The following SPATC1 variants were observed in gnomAD, a reference collection of about 807,000 sequenced individuals.
The protein encoded by SPATC1 is speriolin.
A neutral mutation model predicts 36.5 loss-of-function variants in SPATC1; 35 were observed. The observed-to-expected ratio is 0.96, with a 90% CI of 0.73 to 1.27. The LOEUF is 1.27. Ranked by LOEUF, SPATC1 falls within the 50% of genes most tolerant of loss-of-function variation. The probability of loss-of-function intolerance (pLI) is 0.00; values close to 1 mark genes in which losing one functional copy is unlikely to be tolerated. For synonymous variants in SPATC1, 361 were observed against 353.6 expected, an observed-to-expected ratio of 1.02 and a Z score of -0.24; for missense variants, 779 against 796.0, an observed-to-expected ratio of 0.98 and a Z score of 0.26.
rs782251499 is a variant in SPATC1, at chr8:144,040,768, CCCACCTCCCCCA to C, written c.981_992del (p.Thr328_Thr331del). 28 of 1,596,200 alleles carry C rather than the reference CCCACCTCCCCCA, an allele frequency of 1.8e-5. No homozygotes were observed. The highest frequency in any genetic ancestry group is 1.6e-4 in the South Asian group (14 of 89,004). On this transcript the variant is annotated inframe_deletion, in exon 3 of 5. Coordinates refer to ENST00000377470, the MANE Select transcript of SPATC1 (RefSeq NM_198572.3). ...GGAACAAGTGGTCCCTGCATCTGTC[CCCACCTCCCCCA>C]CCACCTCCCCCACGGTCACCGTCCT...
chr8:144,042,874 C>A (rs1554756308), intron 4 of SPATC1, among the ~76,000 whole-genome samples: 1 of 150,530 alleles, frequency 6.6e-6, no homozygotes, highest in Non-Finnish European at 1.5e-5. Flanking sequence ...AAGATGGGGT[C>A]ACACTCTGTC....
intron 1 of SPATC1, among the ~76,000 whole-genome samples, chr8:144,038,994 A>G (rs1198078739): frequency 6.6e-6 from 1 of 152,174 alleles, no homozygotes; most frequent in Non-Finnish European, 1.5e-5. Flanking sequence ...CTCCAAGGCA[A>G]CACGCAGCTC....
At chr8:144,038,042 G>A (rs1287977711) in intron 1 of SPATC1, among the ~76,000 whole-genome samples, 2 of 151,322 alleles carry the variant, frequency 1.3e-5, no homozygotes, top group African/African-American at 4.9e-5. Context: ...CAGGAGAATG[G>A]CGTGAACCCC....
Position 144,012,542 on chromosome 8 carries a change from G to A in SPATC1, c.27G>A (p.Gly9=). 1.3e-6 allele frequency: 2 copies of A among 1,551,758 alleles called. No individual in the cohort carries two copies. The highest frequency in any genetic ancestry group is 1.7e-6 in the Non-Finnish European group (2 of 1,146,998). ...TGTCTCTACTCACCAATTATGAAGG[G>A]CTTCGGCATCAGATAGAGAGGCTGG... The part of the protein sequence containing the change: MSLLTNYE[G]LRHQIERLVR... The change falls in exon 1 of 5, where the codon GGG becomes GGA. Residue 9 remains glycine, a synonymous_variant. Coordinates refer to ENST00000377470, the MANE Select transcript of SPATC1 (RefSeq NM_198572.3).
At chr8:144,044,045 C>A (rs1311770087) in intron 4 of SPATC1, among the ~76,000 whole-genome samples, 2 of 152,288 alleles carry the variant, frequency 1.3e-5, no homozygotes, top group East Asian at 3.9e-4. Context: ...GCTCCCTGGT[C>A]CACAGCCACC....
At chr8:144,034,548 G>A (rs1286109422) in intron 1 of SPATC1, among the ~76,000 whole-genome samples, 2 of 152,004 alleles carry the variant, frequency 1.3e-5, no homozygotes, top group East Asian at 3.9e-4. Flanking sequence ...ACCCCTTAAA[G>A]GTCACCACCA....
intron 1 of SPATC1, among the ~76,000 whole-genome samples, chr8:144,035,270 A>C (rs1372460655): frequency 3.3e-5 from 5 of 152,064 alleles, no homozygotes; most frequent in Admixed American, 1.3e-4. Flanking sequence ...CCTCGTTCCT[A>C]GCAGGATGAG....
intron 1 of SPATC1, among the ~76,000 whole-genome samples, chr8:144,036,316 G>A (rs904068828): frequency 2.2e-4 from 33 of 152,256 alleles, no homozygotes; most frequent in African/African-American, 3.9e-4. Context: ...TTTGGAAAGC[G>A]GAACTTAGAA....
chr8:144,023,370 CTTTCCCTAAGG>C (rs1834592507), intron 1 of SPATC1, among the ~76,000 whole-genome samples: 1 of 138,430 alleles, frequency 7.2e-6, no homozygotes. Flanking sequence ...CCTCAGAACC[CTTTCCCTAAGG>C]ACCCTCTTCC....
rs998317833 is a variant in SPATC1 at position 144,044,100 on chromosome 8, T to C, written c.1447-2527T>C. Among the ~76,000 whole-genome samples, 17 of 152,174 alleles carry C rather than the reference T, an allele frequency of 1.1e-4. 1 individual carries two copies. Among genetic ancestry groups the C allele is most frequent in the Non-Finnish European group, 1.9e-4 (13 of 68,024 alleles). The stretch of plus-strand genomic sequence containing the variant: ...CTCCTGACTAGTATCGAGCCAGGTG[T>C]ACACCAGGCAGTCCTGAGTCAATCC... On this transcript the variant is annotated intron_variant, in intron 4 of 4. Coordinates refer to ENST00000377470, the MANE Select transcript of SPATC1 (RefSeq NM_198572.3).
intron 1 of SPATC1, among the ~76,000 whole-genome samples, chr8:144,039,282 G>A (rs1001685481): frequency 1.8e-4 from 27 of 152,228 alleles, no homozygotes; most frequent in Admixed American, 3.9e-4. Flanking sequence ...TCAGGGGCAG[G>A]GAGAGAGCAT....
Position 144,046,684 on chromosome 8 carries a change from C to G in SPATC1, c.1504C>G (p.Gln502Glu). 6.2e-7 allele frequency: 1 copy of G among 1,612,364 alleles called. No individual in the cohort carries two copies. The highest frequency in any genetic ancestry group is 1.3e-5 in the African/African-American group (1 of 75,060). ...LDEKLCQRLT[Q>E]RYVSVMNRLQ... Reference sequence around the variant, plus strand: ...TGAGAAGCTGTGCCAGAGGCTCACACAGCGCTATGTGAGCGTCATGAACAG... The same window carrying G: ...TGAGAAGCTGTGCCAGAGGCTCACAGAGCGCTATGTGAGCGTCATGAACAG... Residue 502 changes from glutamine to glutamate, a missense_variant, in exon 5 of 5, where the codon CAG becomes GAG. Coordinates refer to ENST00000377470, the MANE Select transcript of SPATC1 (RefSeq NM_198572.3). This position sits in a 1 kb window ranked among gnomAD's most constrained non-coding sequence, Gnocchi z 6.6.
chr8:144,027,665 A>G (rs1385916529), intron 1 of SPATC1, among the ~76,000 whole-genome samples: 1 of 152,118 alleles, frequency 6.6e-6, no homozygotes, highest in African/African-American at 2.4e-5. Flanking sequence ...TGTAACATGG[A>G]TATCCAGTTA....
In SPATC1 at chr8:144,040,668, C is replaced by G. The variant is rs782752663; in HGVS notation, c.867C>G (p.Ala289=). Residue 289 remains alanine (A), a synonymous_variant, in exon 3 of 5, where the codon GCC becomes GCG. Coordinates refer to ENST00000377470, the MANE Select transcript of SPATC1 (RefSeq NM_198572.3). ...APLQTSTPIG[A]MGTPAPKTAF... ...TCCAGACCTCCACCCCTATCGGAGCCATGGGCACACCTGCTCCCAAGACGG... is the reference window on the plus strand; with the variant it reads ...TCCAGACCTCCACCCCTATCGGAGCGATGGGCACACCTGCTCCCAAGACGG... The G allele has an allele frequency of 6.2e-7, 1 of 1,613,748 alleles. No homozygotes were observed. The highest frequency in any genetic ancestry group is 8.5e-7 in the Non-Finnish European group (1 of 1,179,920).
At chr8:144,042,312 T>TATATATA (rs1491347915) in intron 4 of SPATC1, among the ~76,000 whole-genome samples, 6 of 35,074 alleles carry the variant, frequency 1.7e-4, no homozygotes, top group African/African-American at 5.5e-4. Flanking sequence ...TATATATATA[T>TATATATA]TTTTTTTTTT....
At position 144,045,159 on chromosome 8, in the gene SPATC1, G is replaced by A. The variant is rs1476254083; in HGVS notation, c.1447-1468G>A. 3.3e-5 allele frequency among the ~76,000 whole-genome samples: 5 copies of A among 152,356 alleles called. No individual in the cohort carries two copies. The highest frequency in any genetic ancestry group is 1.3e-4 in the Admixed American group (2 of 15,308). On this transcript the variant is annotated intron_variant, in intron 4 of 4. Transcript: ENST00000377470. The surrounding 1 kb of genome is among the most constrained non-coding windows in gnomAD (Gnocchi z 5.2). Reference sequence around the variant, plus strand: ...GTCCCAGTGTGATGCAGAAGCAGCCGTTGAGCACGGCTGTCCACGGGCCCT... The same window carrying A: ...GTCCCAGTGTGATGCAGAAGCAGCCATTGAGCACGGCTGTCCACGGGCCCT...
At chr8:144,042,068 C>T (rs1176992891) in intron 4 of SPATC1, 8 of 935,988 alleles carry the variant, frequency 8.5e-6, no homozygotes, top group Non-Finnish European at 1.0e-5. Flanking sequence ...AAGACTCCAC[C>T]TGAAAAAGAA....
At chr8:144,018,850 G>A (rs1239313002) in intron 1 of SPATC1, among the ~76,000 whole-genome samples, 11 of 144,094 alleles carry the variant, frequency 7.6e-5, no homozygotes, top group South Asian at 2.3e-4. Context: ...TGGCCAACAC[G>A]GTGAAACCCC....
intron 1 of SPATC1, among the ~76,000 whole-genome samples, chr8:144,028,203 CAT>C (rs1246372213): frequency 2.0e-5 from 3 of 151,998 alleles, no homozygotes; most frequent in East Asian, 1.9e-4. Context: ...AAAATTGACA[CAT>C]GAGATCTAAC....
Sources: allele counts gnomAD v4.1 joint callset (sites outside exome capture counted in the v4.1 genomes callset), GRCh38; gene constraint gnomAD v4.1.1; non-coding constraint Gnocchi (gnomAD v3.1); transcripts MANE v1.5; gene names NCBI Gene and HGNC (gene_info 2026-07-23, HGNC 2026-07-21).